The following ANKS1B variants were observed in gnomAD, a reference collection of about 807,000 sequenced individuals.
ANKS1B encodes ankyrin repeat and sterile alpha motif domain containing 1B.
ANKS1B carries 36 observed loss-of-function variants against 148.3 expected under a neutral mutation model. That is an observed-to-expected ratio of 0.24 (90% CI 0.19 to 0.32). The LOEUF is 0.32. Among genes scored for constraint, ANKS1B ranks in the 10% least tolerant of loss-of-function variants. The pLI is 1.00. For missense variants in ANKS1B, 1,157 were observed against 1,542.6 expected (o/e 0.75, Z 4.19); for synonymous variants, 542 against 560.8 (o/e 0.97, Z 0.47).
intron 9 of ANKS1B, among the ~76,000 whole-genome samples, chr12:99,525,989 A>G (rs1319292878): frequency 1.3e-5 from 2 of 152,132 alleles, no homozygotes; most frequent in Admixed American, 1.3e-4. Context: ...GAGACCATCA[A>G]CCTAAGAGAA....
At chr12:99,038,750 G>A (rs2099957084) in intron 17 of ANKS1B, among the ~76,000 whole-genome samples, 1 of 152,198 alleles carries the variant, frequency 6.6e-6, no homozygotes, top group Non-Finnish European at 1.5e-5. Context: ...TGCCGCAGGG[G>A]ATCTGCACTT....
intron 12 of ANKS1B, among the ~76,000 whole-genome samples, chr12:99,360,795 G>T: frequency 6.6e-6 from 1 of 152,096 alleles, no homozygotes; most frequent in Admixed American, 6.6e-5. Context: ...CTTTGTTGTT[G>T]TAAGCCATTA....
intron 1 of ANKS1B, among the ~76,000 whole-genome samples, chr12:99,849,572 A>G (rs1603315271): frequency 6.6e-6 from 1 of 152,328 alleles, no homozygotes; most frequent in Middle Eastern, 3.4e-3. Flanking sequence ...ACAAGCATGT[A>G]CAGCACTGTT....
At chr12:99,627,181 A>G (rs1288552885) in intron 9 of ANKS1B, among the ~76,000 whole-genome samples, 5 of 152,216 alleles carry the variant, frequency 3.3e-5, no homozygotes, top group African/African-American at 1.2e-4. Context: ...AAATAGAACT[A>G]TTTATTGACA....
chr12:99,735,491 TAAAC>T (rs2059529577), intron 8 of ANKS1B, among the ~76,000 whole-genome samples: 1 of 151,804 alleles, frequency 6.6e-6, no homozygotes, highest in Non-Finnish European at 1.5e-5. Context: ...CAGCTATACA[TAAAC>T]AAACTGGAAA....
chr12:99,818,381 C>T (rs1310527034), intron 2 of ANKS1B, among the ~76,000 whole-genome samples: 2 of 151,724 alleles, frequency 1.3e-5, no homozygotes, highest in African/African-American at 4.8e-5. Flanking sequence ...TATAAACATG[C>T]GTGTTCAAGT....
intron 26 of ANKS1B, among the ~76,000 whole-genome samples, chr12:98,748,214 C>T (rs182639059): frequency 3.2e-3 from 485 of 152,130 alleles, no homozygotes; most frequent in Non-Finnish European, 5.7e-3. Context: ...AAAAAACAGT[C>T]CCAGAGGTAA....
chr12:99,667,144 G>A (rs1026554583), intron 8 of ANKS1B, among the ~76,000 whole-genome samples: 3 of 151,920 alleles, frequency 2.0e-5, no homozygotes, highest in African/African-American at 7.3e-5. Flanking sequence ...TAAGGAGTTC[G>A]AGACAAGCCT....
intron 11 of ANKS1B, among the ~76,000 whole-genome samples, chr12:99,406,228 C>G (rs1302567039): frequency 3.5e-5 from 5 of 144,838 alleles, no homozygotes; most frequent in Admixed American, 2.1e-4. Flanking sequence ...ACATTCTTCT[C>G]CTTAGTACAT....
At chr12:99,822,754 G>C (rs2082670492) in intron 2 of ANKS1B, among the ~76,000 whole-genome samples, 1 of 152,126 alleles carries the variant, frequency 6.6e-6, no homozygotes, top group South Asian at 2.1e-4. Context: ...GAGCATGCAG[G>C]TGCTTGTGTC....
intron 10 of ANKS1B, among the ~76,000 whole-genome samples, chr12:99,456,640 C>A (rs991115693): frequency 2.6e-5 from 4 of 151,896 alleles, no homozygotes; most frequent in African/African-American, 9.7e-5. Context: ...GGAAGTCTCA[C>A]AATAGAATCA....
chr12:99,663,518 G>T (rs1599123894), intron 8 of ANKS1B, among the ~76,000 whole-genome samples: 1 of 152,114 alleles, frequency 6.6e-6, no homozygotes, highest in East Asian at 1.9e-4. Flanking sequence ...ATTTAAGTCT[G>T]CTGAAAAATA....
At chr12:99,216,885 G>A (rs1289563209) in intron 14 of ANKS1B, among the ~76,000 whole-genome samples, 1 of 152,210 alleles carries the variant, frequency 6.6e-6, no homozygotes, top group African/African-American at 2.4e-5. Context: ...AATGGTATGT[G>A]AGGAGGAATG....
intron 10 of ANKS1B, among the ~76,000 whole-genome samples, chr12:99,465,346 T>C (rs1168159624): frequency 6.6e-6 from 1 of 152,036 alleles, no homozygotes; most frequent in Middle Eastern, 3.2e-3. Context: ...TCACGCCAAA[T>C]TGTAAAGACC....
At position 99,012,123 on chromosome 12, in the gene ANKS1B, A is replaced by C. The variant is rs1012881980; in HGVS notation, c.2778+41034T>G. On this transcript the variant is annotated intron_variant, in intron 17 of 26. Coordinates refer to ENST00000683438, the MANE Select transcript of ANKS1B (RefSeq NM_001352186.2). The stretch of plus-strand genomic sequence containing the variant: ...TCTGTGTTTCCCTAGTGTTTTTCAT[A>C]GACTAAACAGTGCATAAGCAACCCC... Among the ~76,000 whole-genome samples, 3 of 152,196 alleles carry C rather than the reference A, an allele frequency of 2.0e-5. No homozygotes were observed. The South Asian group carries it at 6.2e-4, about 31-fold the overall frequency.
chr12:99,639,840 A>G (rs1356839041), intron 9 of ANKS1B, among the ~76,000 whole-genome samples: 1 of 152,160 alleles, frequency 6.6e-6, no homozygotes, highest in East Asian at 1.9e-4. Flanking sequence ...AGTTCTTCAT[A>G]GCAGAGTGAT....
intron 17 of ANKS1B, among the ~76,000 whole-genome samples, chr12:98,933,849 G>GT (rs918360360): frequency 6.6e-5 from 10 of 150,686 alleles, no homozygotes; most frequent in Admixed American, 1.3e-4. Context: ...ATGTTACTAG[G>GT]TTTTTTTTTC....
chr12:99,603,691 T>C (rs1473429247), intron 9 of ANKS1B, among the ~76,000 whole-genome samples: 1 of 152,162 alleles, frequency 6.6e-6, no homozygotes, highest in Non-Finnish European at 1.5e-5. Flanking sequence ...GTAAATGTTT[T>C]AATTCTGTTT....
At chr12:99,868,647 T>TA (rs895848007) in intron 1 of ANKS1B, among the ~76,000 whole-genome samples, 15 of 151,392 alleles carry the variant, frequency 9.9e-5, no homozygotes, top group African/African-American at 2.4e-4. Context: ...TATCAGCAGT[T>TA]AAAAAAAAAG....
Sources: gnomAD v4.1 joint callset for allele counts (sites outside exome capture counted in the v4.1 genomes callset) on GRCh38, gnomAD v4.1.1 for gene constraint, MANE v1.5 for transcripts, NCBI Gene and HGNC (gene_info 2026-07-23, HGNC 2026-07-21) for gene names.